The following ATP9B variants were observed in gnomAD, a reference collection of about 807,000 sequenced individuals.
The protein encoded by ATP9B is ATPase phospholipid transporting 9B.
A neutral mutation model predicts 146.1 loss-of-function variants in ATP9B; 110 were observed. That is an observed-to-expected ratio of 0.75 (90% CI 0.65 to 0.88). The LOEUF (loss-of-function observed/expected upper bound fraction) is 0.88, where lower values mean the gene tolerates loss of function less well. Ranked by LOEUF, ATP9B falls within the 40% of genes least tolerant of loss-of-function variation. The pLI is 0.00. For synonymous variants in ATP9B, 604 were observed against 569.7 expected, an observed-to-expected ratio of 1.06 and a Z score of -0.86; for missense variants, 1,499 against 1,496.4, an observed-to-expected ratio of 1.00 and a Z score of -0.03.
intron 5 of ATP9B, among the ~76,000 whole-genome samples, chr18:79,129,420 G>A (rs1178859514): frequency 1.3e-5 from 2 of 152,174 alleles, no homozygotes; most frequent in East Asian, 3.9e-4. Context: ...TAATGGCCTG[G>A]CTAAATCTTC....
At chr18:79,166,293 G>A (rs1212435044) in intron 7 of ATP9B, among the ~76,000 whole-genome samples, 1 of 152,184 alleles carries the variant, frequency 6.6e-6, no homozygotes, top group Non-Finnish European at 1.5e-5. Context: ...CTGGAGCCAG[G>A]AGACTGTGAG....
chr18:79,118,767 G>T (rs2094138534), intron 4 of ATP9B, among the ~76,000 whole-genome samples: 1 of 151,758 alleles, frequency 6.6e-6, no homozygotes, highest in African/African-American at 2.4e-5. Flanking sequence ...TTTCACAGTT[G>T]TATTTACTGC....
chr18:79,354,287 A>C (rs997829199), intron 25 of ATP9B: 3 of 151,958 alleles, frequency 2.0e-5, no homozygotes, highest in Non-Finnish European at 4.4e-5. Flanking sequence ...AACAAAAAAA[A>C]CCCCAGCCAA....
intron 1 of ATP9B, among the ~76,000 whole-genome samples, chr18:79,074,126 T>C (rs2072315645): frequency 6.6e-6 from 1 of 152,252 alleles, no homozygotes; most frequent in South Asian, 2.1e-4. Flanking sequence ...GCCTTTGTGC[T>C]GTGATCTTTG....
intron 1 of ATP9B, among the ~76,000 whole-genome samples, chr18:79,089,128 G>A (rs956708306): frequency 6.6e-6 from 1 of 152,188 alleles, no homozygotes; most frequent in African/African-American, 2.4e-5. Context: ...GGAAGGGAGT[G>A]AGGGATAAAA....
At chr18:79,364,938 AAGG>A (rs2097017389) in intron 26 of ATP9B, among the ~76,000 whole-genome samples, 1 of 152,012 alleles carries the variant, frequency 6.6e-6, no homozygotes, top group Admixed American at 6.6e-5. Flanking sequence ...GCTAAGGTGG[AAGG>A]ATTGCTTGAG....
At chr18:79,251,610 A>T (rs1342139490) in intron 11 of ATP9B, among the ~76,000 whole-genome samples, 1 of 152,202 alleles carries the variant, frequency 6.6e-6, no homozygotes, top group Non-Finnish European at 1.5e-5. Flanking sequence ...GGACTTTCTG[A>T]CAAAGTTTTA....
At chr18:79,079,288 A>T (rs2072988950) in intron 1 of ATP9B, among the ~76,000 whole-genome samples, 1 of 152,196 alleles carries the variant, frequency 6.6e-6, no homozygotes, top group Non-Finnish European at 1.5e-5. Flanking sequence ...ACAGTATAAA[A>T]GTGTTCCTGT....
At position 79,366,341 on chromosome 18, in the gene ATP9B, G is replaced by A. The variant is rs550141346; in HGVS notation, c.3013-6484G>A. 1.0e-3 allele frequency among the ~76,000 whole-genome samples: 155 copies of A among 152,362 alleles called. No individual in the cohort carries two copies. The Middle Eastern group carries it at 0.01, about 10-fold the overall frequency. On this transcript the variant is annotated intron_variant, in intron 26 of 29. Transcript: ENST00000426216. ...GAATGCAGACAGCGGCCCATGAACC[G>A]CAGAACCACACTGTGGGCTGGGAAG...
intron 12 of ATP9B, chr18:79,254,785 T>C (rs1435605865): frequency 6.5e-6 from 1 of 152,714 alleles, no homozygotes; most frequent in Non-Finnish European, 1.5e-5. Context: ...TCTGCTTCAG[T>C]GCTCCTCTAC....
intron 13 of ATP9B, among the ~76,000 whole-genome samples, chr18:79,289,433 A>G (rs867655289): frequency 6.6e-6 from 1 of 151,932 alleles, no homozygotes; most frequent in South Asian, 2.1e-4. Flanking sequence ...TGCATTCTTC[A>G]TGTAGTTCTC....
intron 2 of ATP9B, among the ~76,000 whole-genome samples, chr18:79,107,061 G>T (rs663418): frequency 0.13 from 20,056 of 152,166 alleles, 1,917 homozygotes; most frequent in African/African-American, 0.27. Context: ...TAGAACATCA[G>T]AGTAGATAAT....
chr18:79,282,113 G>A (rs1483885160), intron 13 of ATP9B, among the ~76,000 whole-genome samples: 4 of 152,162 alleles, frequency 2.6e-5, no homozygotes, highest in African/African-American at 4.8e-5. Context: ...ACTGAACTGC[G>A]GCAACCTCAG....
At chr18:79,247,692 T>C (rs927951044) in intron 11 of ATP9B, among the ~76,000 whole-genome samples, 2 of 152,168 alleles carry the variant, frequency 1.3e-5, no homozygotes, top group African/African-American at 4.8e-5. Flanking sequence ...CATATGTTGG[T>C]TTCAAACGTG....
rs545673152 is a variant in ATP9B at position 79,345,080 on chromosome 18, A to G, written c.2473-348A>G. Among the ~76,000 whole-genome samples the G allele has an allele frequency of 1.7e-3, 253 of 152,292 alleles. 4 individuals carry two copies. Among genetic ancestry groups the G allele is most frequent in the African/African-American group, 5.7e-3 (237 of 41,568 alleles). ...CTGCCCCAGAACGTCACCGGGTCAC[A>G]TGATGTTTTTCAAGAAAGTCACTAA... On this transcript the variant is annotated intron_variant, in intron 21 of 29. Transcript: ENST00000426216.
intron 14 of ATP9B, among the ~76,000 whole-genome samples, 154 bp downstream of exon 14, chr18:79,303,870 G>A (rs1422484836): frequency 1.3e-5 from 2 of 152,138 alleles, no homozygotes; most frequent in Non-Finnish European, 2.9e-5. Flanking sequence ...ATACGAATCA[G>A]GAAATCGTCT....
intron 6 of ATP9B, among the ~76,000 whole-genome samples, chr18:79,147,866 A>G (rs1339295719): frequency 6.6e-6 from 1 of 152,116 alleles, no homozygotes; most frequent in African/African-American, 2.4e-5. Flanking sequence ...CAAGATAGAA[A>G]ATCAATCAAT....
At chr18:79,154,610 T>G in intron 7 of ATP9B, 55 bp downstream of exon 7, 2 of 1,210,408 alleles carry the variant, frequency 1.7e-6, no homozygotes, top group Non-Finnish European at 2.3e-6. Flanking sequence ...AAAAACAAAT[T>G]TACAAATATC....
intron 5 of ATP9B, among the ~76,000 whole-genome samples, chr18:79,133,508 AACACACACAC>A (rs370697424): frequency 8.1e-5 from 12 of 147,784 alleles, no homozygotes; most frequent in Admixed American, 1.4e-4. Context: ...AGTGGTTATA[AACACACACAC>A]ACACACACAC....
Sources: gnomAD v4.1 joint callset for allele counts (sites outside exome capture counted in the v4.1 genomes callset) on GRCh38, gnomAD v4.1.1 for gene constraint, MANE v1.5 for transcripts, NCBI Gene and HGNC (gene_info 2026-07-23, HGNC 2026-07-21) for gene names.